The following DNAH17 variants were observed in gnomAD, a reference collection of about 807,000 sequenced individuals.
DNAH17 encodes the protein axonemal beta dynein heavy chain 17.
DNAH17 carries 376 observed loss-of-function variants against 485.6 expected under a neutral mutation model. That is an observed-to-expected ratio of 0.77 (90% CI 0.71 to 0.84). DNAH17 has a LOEUF of 0.84. Among genes scored for constraint, DNAH17 ranks in the 40% least tolerant of loss-of-function variants. DNAH17 has a pLI of 0.00. For synonymous variants in DNAH17, 3,031 were observed against 2,405.9 expected (o/e 1.26, Z -7.60); for missense variants, 6,370 against 5,839.3 (o/e 1.09, Z -2.96).
intron 18 of DNAH17, among the ~76,000 whole-genome samples, chr17:78,539,258 A>T (rs1237049764): frequency 6.6e-6 from 1 of 152,120 alleles, no homozygotes; most frequent in Non-Finnish European, 1.5e-5. Context: ...AATAAAAAGA[A>T]GATACAGGTA....
At chr17:78,449,654 T>A (rs1440275593) in intron 68 of DNAH17, 70 bp from the exon 69 acceptor site, 1 of 1,310,166 alleles carries the variant, frequency 7.6e-7, no homozygotes, top group African/African-American at 1.4e-5. Flanking sequence ...CCGCCACCAC[T>A]CCCTGCCACC....
At chr17:78,456,427 G>A (rs1231696800) in intron 62 of DNAH17, among the ~76,000 whole-genome samples, 1 of 152,150 alleles carries the variant, frequency 6.6e-6, no homozygotes, top group Non-Finnish European at 1.5e-5. Flanking sequence ...CCCGGCTATG[G>A]CTGATGCCAT....
At chr17:78,444,086 TAA>T (rs2146468758) in intron 71 of DNAH17, among the ~76,000 whole-genome samples, 1 of 152,326 alleles carries the variant, frequency 6.6e-6, no homozygotes, top group East Asian at 1.9e-4. Context: ...CTAGCCATAC[TAA>T]TATACCTCGA....
rs369633444 is a variant in DNAH17, at chr17:78,424,121, C to T, written c.13174G>A (p.Ala4392Thr). The part of the protein sequence containing the change: ...ARWDTQTGVI[A>T]EARLKELTPA... The stretch of plus-strand genomic sequence containing the variant: ...GTCAGCTCTTTCAGCCGCGCTTCAG[C>T]GATGACTCCAGTCTGGGTGTCCCAG... The change falls in exon 81 of 81, where the codon GCT becomes ACT. Residue 4392 changes from alanine to threonine, a missense_variant. Ala to Thr is a moderately conservative substitution (Grantham distance 58, BLOSUM62 0). Transcript: ENST00000389840. The T allele has an allele frequency of 6.1e-5, 98 of 1,613,214 alleles. No homozygotes were observed. The highest frequency in any genetic ancestry group is 4.7e-4 in the East Asian group (21 of 44,896).
At position 78,539,892 on chromosome 17, in the gene DNAH17, A is replaced by C. The variant is rs764458617; in HGVS notation, c.2533-12T>G. ...AGTTCTGCGTTTTCCTGCAAACAGA[A>C]GCGCACAGTTGGGCCTCACTTCACT... On this transcript the variant is annotated splice_polypyrimidine_tract_variant and intron_variant, in intron 17 of 80. Transcript: ENST00000389840. The C allele has an allele frequency of 6.4e-7, 1 of 1,563,930 alleles. No individual in the cohort carries two copies. Among genetic ancestry groups the C allele is most frequent in the Non-Finnish European group, 8.6e-7 (1 of 1,157,340 alleles).
rs765713976 is a variant in DNAH17 at position 78,439,102 on chromosome 17, C to T, written c.11793G>A (p.Trp3931Ter). The T allele has an allele frequency of 2.1e-5, 34 of 1,613,296 alleles. No homozygotes were observed. The highest frequency in any genetic ancestry group is 2.8e-5 in the Non-Finnish European group (33 of 1,179,776). ...GGCCCCCTCGTACCTGCAGAATGAC[C>T]CAGTGTCCTTTCTCTGCAGCCACGT... Reference protein sequence around the residue: ...ALDVAAEKGHWVILQNIHLVA... With the variant: ...ALDVAAEKGH Residue 3931 changes from tryptophan (W) to a stop codon, truncating the protein, a stop_gained, in exon 73 of 81, where the codon TGG (tryptophan) becomes TGA (stop). Coordinates refer to ENST00000389840, the MANE Select transcript of DNAH17 (RefSeq NM_173628.4). LOFTEE classifies it high-confidence loss of function.
intron 25 of DNAH17, chr17:78,522,138 A>C (rs1216300194): frequency 6.3e-6 from 1 of 158,072 alleles, no homozygotes; most frequent in African/African-American, 2.4e-5. Context: ...ATTTAACAGT[A>C]AAAAACTTAG....
intron 52 of DNAH17, 29 bp downstream of exon 52, chr17:78,476,543 C>T (rs768590445): frequency 6.9e-6 from 11 of 1,592,380 alleles, no homozygotes; most frequent in Middle Eastern, 1.7e-4. Flanking sequence ...ATTCTGGGCT[C>T]GGCAGAGGGA....
In DNAH17 at chr17:78,434,133, G is replaced by T; in HGVS notation, c.12121C>A (p.Arg4041Ser). The T allele has an allele frequency of 1.2e-6, 2 of 1,613,660 alleles. No individual in the cohort carries two copies. The highest frequency in any genetic ancestry group is 1.7e-6 in the Non-Finnish European group (2 of 1,179,856). ...TTCCAGCCCTGGGCGCCGAACTTGC[G>T]CCTCTCTGCCACCACAGCGTGGAAG... ...CYFHAVVAER[R>S]KFGAQGWNRS... is the part of the protein sequence containing the mutation. The change falls in exon 75 of 81, where the codon CGC (arginine) becomes AGC (serine). Residue 4041 changes from arginine (R) to serine (S), a missense_variant. By Grantham distance (110) the Arg-to-Ser change is moderately radical. Transcript: ENST00000389840.
intron 16 of DNAH17, among the ~76,000 whole-genome samples, chr17:78,551,139 A>G (rs2091892435): frequency 6.6e-6 from 1 of 152,242 alleles, no homozygotes; most frequent in Non-Finnish European, 1.5e-5. Flanking sequence ...GTGACAGACC[A>G]GACCACCTAG....
intron 13 of DNAH17, among the ~76,000 whole-genome samples, chr17:78,560,264 A>G (rs2092123614): frequency 1.3e-5 from 2 of 152,198 alleles, no homozygotes. Flanking sequence ...AAGATTTCCA[A>G]GGAAGAGCCG....
chr17:78,509,411 C>G lies in DNAH17; in HGVS notation c.4236+973G>C, dbSNP rs2090572694. On this transcript the variant is annotated intron_variant, in intron 27 of 80. Coordinates refer to ENST00000389840, the MANE Select transcript of DNAH17 (RefSeq NM_173628.4). ...TGGGATTATAGGCAGGAGCCCCCAC[C>G]CTCTGCTGTTGAATATGTGCTGATT... Among the ~76,000 whole-genome samples, 4 of 152,184 alleles carry G rather than the reference C, an allele frequency of 2.6e-5. No homozygotes were observed. The South Asian group carries it at 8.3e-4, about 31-fold the overall frequency.
intron 69 of DNAH17, among the ~76,000 whole-genome samples, chr17:78,448,642 A>G (rs1188151731): frequency 2.0e-5 from 3 of 152,250 alleles, no homozygotes; most frequent in Non-Finnish European, 2.9e-5. Context: ...CCCAAAAAGC[A>G]TATGTTGGAA....
intron 74 of DNAH17, 45 bp downstream of exon 74, chr17:78,437,596 C>A: frequency 6.7e-7 from 1 of 1,501,454 alleles, no homozygotes. Context: ...GGATGCCAGG[C>A]CGTGGCATGG....
intron 62 of DNAH17, 118 bp from the exon 63 acceptor site, chr17:78,455,954 G>GTGGCTCAA (rs2087778606): frequency 1.2e-6 from 1 of 814,764 alleles, no homozygotes; most frequent in African/African-American, 1.8e-5. Flanking sequence ...ACCTGGCTCA[G>GTGGCTCAA]TGGCTCAATG....
chr17:78,504,870 A>C (rs2090433580), intron 31 of DNAH17, among the ~76,000 whole-genome samples: 1 of 148,880 alleles, frequency 6.7e-6, no homozygotes, highest in South Asian at 2.1e-4. Flanking sequence ...AAGCCATGGA[A>C]AGGATTCAAT....
Position 78,459,003 on chromosome 17 carries a change from C to A in DNAH17, c.9859G>T (p.Ala3287Ser). ...EKLSRIKNKIAELNANLSNLT... is the reference protein window; with the variant it reads ...EKLSRIKNKISELNANLSNLT... Reference sequence around the variant, plus strand: ...GACGGGAGCGAGCCGGCACTTACGGCAATCTTGTTTTTGATCCGGGACAGC... The same window carrying A: ...GACGGGAGCGAGCCGGCACTTACGGAAATCTTGTTTTTGATCCGGGACAGC... The change falls in exon 61 of 81, where the codon GCC becomes TCC. Residue 3287 changes from alanine (A) to serine (S), a missense_variant and splice_region_variant. Ala to Ser is a moderately conservative substitution (Grantham distance 99, BLOSUM62 1). Transcript: ENST00000389840. The A allele has an allele frequency of 6.2e-7, 1 of 1,614,034 alleles. No individual in the cohort carries two copies. The highest frequency in any genetic ancestry group is 8.5e-7 in the Non-Finnish European group (1 of 1,179,908).
intron 54 of DNAH17, among the ~76,000 whole-genome samples, chr17:78,472,108 A>G (rs1053816350): frequency 6.6e-6 from 1 of 152,232 alleles, no homozygotes; most frequent in Admixed American, 6.5e-5. Flanking sequence ...TAAGGGGCAC[A>G]GGCTTCCCTT....
intron 14 of DNAH17, among the ~76,000 whole-genome samples, chr17:78,557,242 A>G (rs1416347080): frequency 6.6e-6 from 1 of 152,178 alleles, no homozygotes; most frequent in South Asian, 2.1e-4. Flanking sequence ...TCCTCCCCAC[A>G]TTAACAGAAG....
Sources: allele counts gnomAD v4.1 joint callset (sites outside exome capture counted in the v4.1 genomes callset), GRCh38; gene constraint gnomAD v4.1.1; transcripts MANE v1.5; gene names NCBI Gene and HGNC (gene_info 2026-07-23, HGNC 2026-07-21).